The following MAPK15 variants were observed in gnomAD, a reference collection of about 807,000 sequenced individuals.
MAPK15 encodes mitogen-activated protein kinase 15.
In MAPK15, 61 loss-of-function variants were observed where a neutral mutation model predicts 60.8. The observed-to-expected ratio is 1.00, with a 90% CI of 0.82 to 1.24. MAPK15 has a LOEUF of 1.24. Ranked by LOEUF, MAPK15 falls within the 50% of genes most tolerant of loss-of-function variation. MAPK15 has a pLI of 0.00. For missense variants in MAPK15, 808 were observed against 741.1 expected, an observed-to-expected ratio of 1.09 and a Z score of -1.05; for synonymous variants, 356 against 319.9, an observed-to-expected ratio of 1.11 and a Z score of -1.21.
rs1197094236 is a variant in MAPK15, at chr8:143,720,599, A to G, written c.780-104A>G. 1.3e-6 allele frequency: 2 copies of G among 1,513,366 alleles called. No individual in the cohort carries two copies. The allele number at this position is 1,513,366 out of a possible 1,614,324, so 93.7% of individuals were successfully genotyped here. ...ACAGGGGCATCTACCTAGACAGGAC[A>G]GCAGGGTGGACCCCAGTTTGGAAGC... On this transcript the variant is annotated intron_variant, in intron 8 of 13. Transcript: ENST00000338033. This position sits in a 1 kb window ranked among gnomAD's most constrained non-coding sequence, Gnocchi z 4.6.
At position 143,716,438 on chromosome 8, in the gene MAPK15, C is replaced by A; in HGVS notation, c.61C>A (p.Gln21Lys). 2.5e-6 allele frequency: 4 copies of A among 1,602,686 alleles called. No homozygotes were observed. Among genetic ancestry groups the A allele is most frequent in the Admixed American group, 1.7e-5 (1 of 58,938 alleles). The change falls in exon 1 of 14, where the codon CAG (glutamine) becomes AAG (lysine). Residue 21 changes from glutamine to lysine, a missense_variant. Gln to Lys is a moderately conservative substitution (Grantham distance 53, BLOSUM62 1). Transcript: ENST00000338033. ...RRYLLRRQLGQGAYGIVWKAV... is the reference protein window; with the variant it reads ...RRYLLRRQLGKGAYGIVWKAV... Reference sequence around the variant, plus strand: ...ATACCTACTCAGGCGGCAGCTCGGGCAGGGGGTGAGTGCCTGGGGGTGCGT... The same window carrying A: ...ATACCTACTCAGGCGGCAGCTCGGGAAGGGGGTGAGTGCCTGGGGGTGCGT...
chr8:143,722,355 C>T lies in MAPK15; in HGVS notation c.*104C>T. 1 of 1,114,776 alleles carries T rather than the reference C, an allele frequency of 9.0e-7. No individual in the cohort carries two copies. Among genetic ancestry groups the T allele is most frequent in the Non-Finnish European group, 1.2e-6 (1 of 812,060 alleles). The allele number at this position is 1,114,776 out of a possible 1,614,324, so 69.1% of individuals were successfully genotyped here. A position where few individuals can be genotyped will look rare whatever the true frequency, so the allele number is the denominator to read the frequency against. Reference sequence around the variant, plus strand: ...CTTAGCCCTCCCTGCTTTGCCTGGCCCGTTGAAGTTCCAGGGAGCTTGCCC... The same window carrying T: ...CTTAGCCCTCCCTGCTTTGCCTGGCTCGTTGAAGTTCCAGGGAGCTTGCCC... On this transcript the variant is annotated 3_prime_UTR_variant, in exon 14 of 14. Transcript: ENST00000338033.
intron 4 of MAPK15, chr8:143,718,562 T>C: frequency 1.6e-6 from 1 of 632,062 alleles, no homozygotes; most frequent in South Asian, 2.0e-5. Context: ...TTTCTTCTCA[T>C]TTTATGAAAC....
rs539612309 is a variant in MAPK15, at chr8:143,719,403, G to T, written c.642G>T (p.Gly214=). The T allele has an allele frequency of 6.2e-7, 1 of 1,611,672 alleles. No homozygotes were observed. The highest frequency in any genetic ancestry group is 1.7e-5 in the Admixed American group (1 of 59,622). ...GTATCCTGGGGGAGATGCTGCGGGG[G>T]AGACCCCTGTTCCCCGGCACGTCCA... is the stretch of plus-strand genomic sequence containing the variant. The part of the protein sequence containing the change: ...LGCILGEMLR[G]RPLFPGTSTL... The change falls in exon 7 of 14, where the codon GGG becomes GGT. Residue 214 remains glycine, a synonymous_variant. Transcript: ENST00000338033.
At chr8:143,716,838 G>A (rs1200903314) in intron 1 of MAPK15, among the ~76,000 whole-genome samples, 2 of 152,202 alleles carry the variant, frequency 1.3e-5, no homozygotes, top group African/African-American at 4.8e-5. Flanking sequence ...GGCGAGGCCC[G>A]AGAAGGGCCT....
Position 143,720,787 on chromosome 8 carries a change from C to A in MAPK15, c.864C>A (p.Ala288=). The change falls in exon 9 of 14, where the codon GCC becomes GCA. Residue 288 remains alanine, a synonymous_variant. Coordinates refer to ENST00000338033, the MANE Select transcript of MAPK15 (RefSeq NM_139021.3). This position sits in a 1 kb window ranked among gnomAD's most constrained non-coding sequence, Gnocchi z 4.6. ...LDLLRRLLVF[A]PDKRLSATQA... ...TCCTTAGGCGACTCCTGGTGTTCGC[C>A]CCGGACAAGCGGTTAAGCGCGACCC... is the stretch of plus-strand genomic sequence containing the variant. 1 of 1,613,734 alleles carries A rather than the reference C, an allele frequency of 6.2e-7. No homozygotes were observed. The highest frequency in any genetic ancestry group is 1.1e-5 in the South Asian group (1 of 91,088).
intron 1 of MAPK15, 81 bp downstream of exon 1, chr8:143,716,524 C>T: frequency 7.6e-7 from 1 of 1,319,894 alleles, no homozygotes; most frequent in Non-Finnish European, 1.0e-6. Context: ...CGGCCGGTCC[C>T]CTCGGAGGCC....
At chr8:143,719,849 G>A (rs1817977342) in intron 7 of MAPK15, among the ~76,000 whole-genome samples, 1 of 152,174 alleles carries the variant, frequency 6.6e-6, no homozygotes. Context: ...AGGTGCTGAG[G>A]GAAGAGGTGG....
At chr8:143,716,787 T>G (rs1350724743) in intron 1 of MAPK15, among the ~76,000 whole-genome samples, 2 of 152,000 alleles carry the variant, frequency 1.3e-5, no homozygotes, top group African/African-American at 4.8e-5. Context: ...CGCGCCCGGG[T>G]CACTGAGAGG....
At chr8:143,718,742 C>A in intron 4 of MAPK15, 33 bp from the exon 5 acceptor site, 2 of 1,410,922 alleles carry the variant, frequency 1.4e-6, no homozygotes, top group Non-Finnish European at 1.9e-6. Context: ...CCCAGCCCCC[C>A]ACCCCCGACT....
rs1818031368 is a variant in MAPK15 at position 143,720,894 on chromosome 8, G to A, written c.917+54G>A. The A allele has an allele frequency of 6.3e-7, 1 of 1,593,750 alleles. No individual in the cohort carries two copies. On this transcript the variant is annotated intron_variant, in intron 9 of 13. Coordinates refer to ENST00000338033, the MANE Select transcript of MAPK15 (RefSeq NM_139021.3). This position sits in a 1 kb window ranked among gnomAD's most constrained non-coding sequence, Gnocchi z 4.6. ...CGGGGGGACAGAGGTGGGGGCAGGA[G>A]AGAGCCAGCCCATGAGGGACAGCCC...
At position 143,722,144 on chromosome 8, in the gene MAPK15, G is replaced by GC; in HGVS notation, c.1531dup (p.Gln511ProfsTer63). 1 of 1,611,814 alleles carries GC rather than the reference G, an allele frequency of 6.2e-7. No individual in the cohort carries two copies. Among genetic ancestry groups the GC allele is most frequent in the Non-Finnish European group, 8.5e-7 (1 of 1,179,530 alleles). ...GTTCAGCACCTCTGCCTTGCAGGGT[G>GC]CCCAGGGGGGTGCCAGGGCTTTGCT... On this transcript the variant is annotated frameshift_variant, in exon 14 of 14. Transcript: ENST00000338033. LOFTEE classifies it high-confidence loss of function.
At chr8:143,719,871 G>C (rs1817978100) in intron 7 of MAPK15, among the ~76,000 whole-genome samples, 1 of 152,124 alleles carries the variant, frequency 6.6e-6, no homozygotes, top group African/African-American at 2.4e-5. Flanking sequence ...GGAAGGCAGT[G>C]GTAGAGGGGC....
chr8:143,719,634 C>T (rs1295363624), intron 7 of MAPK15, 152 bp downstream of exon 7: 6 of 1,124,848 alleles, frequency 5.3e-6, no homozygotes, highest in East Asian at 2.8e-5. Context: ...CCAGGAAGAC[C>T]GACTGGTGAT....
rs1554619464 is a variant in MAPK15 at position 143,720,541 on chromosome 8, C to G, written c.780-162C>G. On this transcript the variant is annotated intron_variant, in intron 8 of 13. Coordinates refer to ENST00000338033, the MANE Select transcript of MAPK15 (RefSeq NM_139021.3). This position sits in a 1 kb window ranked among gnomAD's most constrained non-coding sequence, Gnocchi z 4.6. Reference sequence around the variant, plus strand: ...CAGGGGGCCGCAGGGGTCTCTCCACCCTGCAGGGGCCCAGACTGCCTGCAG... The same window carrying G: ...CAGGGGGCCGCAGGGGTCTCTCCACGCTGCAGGGGCCCAGACTGCCTGCAG... The G allele has an allele frequency of 6.2e-6, 9 of 1,460,114 alleles. No individual in the cohort carries two copies. Among genetic ancestry groups the G allele is most frequent in the Non-Finnish European group, 7.3e-6 (8 of 1,102,794 alleles). The allele number at this position is 1,460,114 out of a possible 1,614,324, so 90.4% of individuals were successfully genotyped here.
In MAPK15 at chr8:143,721,425, G is replaced by A; in HGVS notation, c.1204+14G>A. On this transcript the variant is annotated intron_variant, in intron 11 of 13. Coordinates refer to ENST00000338033, the MANE Select transcript of MAPK15 (RefSeq NM_139021.3). ...CTGCCGAGCACGGTGTGTGATCTTT[G>A]CTGGCCGCCCACGCGGAGCACGGCC... The A allele has an allele frequency of 1.2e-6, 2 of 1,609,188 alleles. No individual in the cohort carries two copies. The highest frequency in any genetic ancestry group is 1.7e-6 in the Non-Finnish European group (2 of 1,177,408).
rs1554618759 is a variant in MAPK15 at position 143,718,077 on chromosome 8, G to A, written c.195+1G>A. On this transcript the variant is annotated splice_donor_variant, in intron 3 of 13. Coordinates refer to ENST00000338033, the MANE Select transcript of MAPK15 (RefSeq NM_139021.3). LOFTEE classifies it high-confidence loss of function. ...ATTCCGGGAAATCACGCTCCTCCAG[G>A]TGAGTGGCCTGGGCCCTCCAGTCCA... is the stretch of plus-strand genomic sequence containing the variant. 3 of 1,614,100 alleles carry A rather than the reference G, an allele frequency of 1.9e-6. No individual in the cohort carries two copies. The African/African-American group carries it at 4.0e-5, about 22-fold the overall frequency.
At chr8:143,718,011 C>G (rs1563748137) in intron 2 of MAPK15, 36 bp from the exon 3 acceptor site, 1 of 1,613,876 alleles carries the variant, frequency 6.2e-7, no homozygotes, top group South Asian at 1.1e-5. Flanking sequence ...CCTTCTTGCT[C>G]CACCCACCCA....
At position 143,720,424 on chromosome 8, in the gene MAPK15, A is replaced by G. The variant is rs782604058; in HGVS notation, c.779+137A>G. 68 of 1,449,170 alleles carry G rather than the reference A, an allele frequency of 4.7e-5. No individual in the cohort carries two copies. The highest frequency in any genetic ancestry group is 6.2e-5 in the Non-Finnish European group (68 of 1,097,840). 89.8% of individuals were successfully genotyped at this position (1,449,170 alleles called of 1,614,324 possible). On this transcript the variant is annotated intron_variant, in intron 8 of 13. Transcript: ENST00000338033. This position sits in a 1 kb window ranked among gnomAD's most constrained non-coding sequence, Gnocchi z 4.6. The stretch of plus-strand genomic sequence containing the variant: ...TTTCAAGATGGCAGTCCCAAACCCA[A>G]CAACTGTTGGCCACACTGAAAGCAG...
Sources: allele counts gnomAD v4.1 joint callset (sites outside exome capture counted in the v4.1 genomes callset), GRCh38; gene constraint gnomAD v4.1.1; non-coding constraint Gnocchi (gnomAD v3.1); transcripts MANE v1.5; gene names NCBI Gene and HGNC (gene_info 2026-07-23, HGNC 2026-07-21).